Variants in XNDC1N observed in about 807,000 individuals in gnomAD.
XNDC1N encodes the protein XRCC1 N-terminal domain containing 1, N-terminal like, also known as protein XNDC1N.
At chr11:71,908,323 A>C in the XNDC1N span, among the ~76,000 whole-genome samples, 1 of 151,872 alleles carries the variant, frequency 6.6e-6, no homozygotes, top group Non-Finnish European at 1.5e-5. Context: ...GGCATCATTA[A>C]TCATTAATAT....
chr11:71,917,288 A>C, the XNDC1N span: 1 of 677,890 alleles, frequency 1.5e-6, no homozygotes, highest in African/African-American at 1.8e-5. Context: ...TGCTGGGATT[A>C]CAGGCATGAG....
chr11:71,896,626 C>T, the XNDC1N span, among the ~76,000 whole-genome samples: 5,856 of 151,086 alleles, frequency 0.039, 149 homozygotes, highest in Non-Finnish European at 0.061. Context: ...TGTCATGGTG[C>T]AATCTTGGCT....
the XNDC1N span, chr11:71,916,162 A>C: frequency 5.3e-3 from 3,705 of 703,010 alleles, 100 homozygotes; most frequent in African/African-American, 0.057. Flanking sequence ...TAGAAAGGCC[A>C]GGCCAAAGGA....
the XNDC1N span, among the ~76,000 whole-genome samples, chr11:71,895,027 G>C: frequency 1.3e-5 from 2 of 152,088 alleles, no homozygotes; most frequent in African/African-American, 4.8e-5. Context: ...TTGGCTTTGA[G>C]TCAAATCACC....
chr11:71,921,294 A>T, the XNDC1N span, among the ~76,000 whole-genome samples: 1 of 152,136 alleles, frequency 6.6e-6, no homozygotes, highest in African/African-American at 2.4e-5. Flanking sequence ...CTGGGACTAC[A>T]GGTGCGTGCC....
chr11:71,884,348 C>A, the XNDC1N span: 1 of 1,441,842 alleles, frequency 6.9e-7, no homozygotes, highest in East Asian at 2.5e-5. Flanking sequence ...ACATTTCAGA[C>A]ATTTAAACAT....
chr11:71,877,713 T>G, the XNDC1N span, among the ~76,000 whole-genome samples: 3 of 152,352 alleles, frequency 2.0e-5, no homozygotes, highest in South Asian at 6.2e-4. Context: ...CAAAGTATTC[T>G]GGTGTTTATG....
chr11:71,871,987 G>C, the XNDC1N span, among the ~76,000 whole-genome samples: 2 of 152,128 alleles, frequency 1.3e-5, no homozygotes, highest in African/African-American at 4.8e-5. Context: ...AATATATCAT[G>C]CAATTTAATG....
chr11:71,920,928 G>A, the XNDC1N span, among the ~76,000 whole-genome samples: 3 of 152,128 alleles, frequency 2.0e-5, no homozygotes, highest in Admixed American at 1.3e-4. Context: ...CTGCACCACT[G>A]CACTCCAGCC....
the XNDC1N span, among the ~76,000 whole-genome samples, chr11:71,927,351 C>G: frequency 6.6e-6 from 1 of 152,168 alleles, no homozygotes; most frequent in Admixed American, 6.5e-5. Context: ...GCCATGACCC[C>G]ATCTCTGCTA....
chr11:71,880,045 C>T, the XNDC1N span, among the ~76,000 whole-genome samples: 2 of 152,028 alleles, frequency 1.3e-5, no homozygotes, highest in Middle Eastern at 3.4e-3. Flanking sequence ...TATAAAACAC[C>T]AACATTCACG....
At chr11:71,899,797 A>C in the XNDC1N span, among the ~76,000 whole-genome samples, 3 of 152,234 alleles carry the variant, frequency 2.0e-5, no homozygotes, top group Non-Finnish European at 4.4e-5. Context: ...CGAGCCCGAC[A>C]CCCGTAAAGG....
At chr11:71,878,395 C>T in the XNDC1N span, 52,122 of 1,590,520 alleles carry the variant, frequency 0.033, 964 homozygotes, top group East Asian at 0.068. Flanking sequence ...TGAATGTACA[C>T]AGAAGTCCTC....
chr11:71,914,885 G>A, the XNDC1N span, among the ~76,000 whole-genome samples: 143 of 152,288 alleles, frequency 9.4e-4, no homozygotes, highest in African/African-American at 3.3e-3. Flanking sequence ...TAAAGATTTA[G>A]ACTATGACAT....
the XNDC1N span, among the ~76,000 whole-genome samples, chr11:71,919,411 C>CA: frequency 2.1e-5 from 3 of 141,812 alleles, no homozygotes; most frequent in Admixed American, 7.2e-5. Flanking sequence ...TTTTTTGAGA[C>CA]AGAGTCTTGC....
chr11:71,875,883 G>A, the XNDC1N span, among the ~76,000 whole-genome samples: 1 of 152,136 alleles, frequency 6.6e-6, no homozygotes, highest in Non-Finnish European at 1.5e-5. Flanking sequence ...AAAATTAGTT[G>A]GGTGTGGTGG....
At chr11:71,889,988 T>C in the XNDC1N span, among the ~76,000 whole-genome samples, 4 of 152,144 alleles carry the variant, frequency 2.6e-5, no homozygotes. Context: ...TTGGTTGCCT[T>C]GGTACAGAAG....
the XNDC1N span, among the ~76,000 whole-genome samples, chr11:71,899,870 CCT>C: frequency 6.8e-6 from 1 of 147,944 alleles, no homozygotes; most frequent in Middle Eastern, 3.5e-3. Context: ...GAGGAAGGCC[CCT>C]GTCTCCTGCC....
At chr11:71,869,891 C>T in the XNDC1N span, among the ~76,000 whole-genome samples, 2 of 152,080 alleles carry the variant, frequency 1.3e-5, no homozygotes, top group African/African-American at 4.8e-5. Flanking sequence ...TCTTTGGTGT[C>T]GCTGTCTGTA....
Sources: gnomAD v4.1 joint callset for allele counts (sites outside exome capture counted in the v4.1 genomes callset) on GRCh38, gnomAD v4.1.1 for gene constraint, MANE v1.5 for transcripts, NCBI Gene and HGNC (gene_info 2026-07-23, HGNC 2026-07-21) for gene names.